The following OR3A2 variants were observed in gnomAD, a reference collection of about 807,000 sequenced individuals.
The protein encoded by OR3A2 is olfactory receptor 3A2.
For missense variants in OR3A2, 318 were observed against 392.8 expected, an observed-to-expected ratio of 0.81 and a Z score of 1.61; for synonymous variants, 126 against 159.3, an observed-to-expected ratio of 0.79 and a Z score of 1.57.
rs185057612 is a variant in OR3A2 at position 3,293,528 on chromosome 17, C to T, written c.-84-14375G>A. 1.3e-4 allele frequency among the ~76,000 whole-genome samples: 20 copies of T among 152,150 alleles called. No individual in the cohort carries two copies. The East Asian group carries it at 3.7e-3, about 28-fold the overall frequency. On this transcript the variant is annotated intron_variant, in intron 3 of 4. Transcript: ENST00000573491. ...AGCATCTTGTGAATATCTAGTTTGG[C>T]AAAAACTCATGTCATTTAAGGATTA...
At chr17:3,354,303 G>A (rs559018490) in intron 2 of OR3A2, among the ~76,000 whole-genome samples, 8 of 151,056 alleles carry the variant, frequency 5.3e-5, no homozygotes, top group South Asian at 2.1e-4. Context: ...AAGCCATTGC[G>A]TCCTGTGCTT....
chr17:3,353,079 T>C (rs1328737032), intron 2 of OR3A2, among the ~76,000 whole-genome samples: 1 of 151,484 alleles, frequency 6.6e-6, no homozygotes, highest in African/African-American at 2.4e-5. Flanking sequence ...TTTATGTTGA[T>C]GCTGTATCCT....
intron 3 of OR3A2, among the ~76,000 whole-genome samples, chr17:3,321,866 C>T (rs990393618): frequency 6.6e-6 from 1 of 152,092 alleles, no homozygotes; most frequent in Admixed American, 6.6e-5. Flanking sequence ...CTCTGCCAGC[C>T]TTTGGTATCA....
intron 1 of OR3A2, among the ~76,000 whole-genome samples, chr17:3,280,691 T>C (rs12051736): frequency 0.18 from 27,460 of 152,050 alleles, 3,091 homozygotes; most frequent in African/African-American, 0.3. Flanking sequence ...TAGAATAGAC[T>C]GGAATCAGAG....
chr17:3,302,005 A>T (rs1188663550), intron 3 of OR3A2, among the ~76,000 whole-genome samples: 1 of 152,180 alleles, frequency 6.6e-6, no homozygotes, highest in African/African-American at 2.4e-5. Context: ...TGCTTCAAAG[A>T]GAATAAAATA....
At position 3,332,245 on chromosome 17, in the gene OR3A2, C is replaced by G. The variant is rs903364632; in HGVS notation, c.-85+3788G>C. On this transcript the variant is annotated intron_variant, in intron 3 of 4. Coordinates refer to the OR3A2 transcript ENST00000573491. ...GAGCTGTGGTGGGCTCCACCCAGTTCGAGCTTCGCGGCTGCTTTGTTTACC... is the reference window on the plus strand; with the variant it reads ...GAGCTGTGGTGGGCTCCACCCAGTTGGAGCTTCGCGGCTGCTTTGTTTACC... Among the ~76,000 whole-genome samples, 195 of 152,338 alleles carry G rather than the reference C, an allele frequency of 1.3e-3. 4 individuals are homozygous for G. Among genetic ancestry groups the G allele is most frequent in the Admixed American group, 9.1e-4 (14 of 15,302 alleles).
chr17:3,352,388 T>A (rs1027591962), intron 2 of OR3A2, among the ~76,000 whole-genome samples: 1 of 151,974 alleles, frequency 6.6e-6, no homozygotes, highest in African/African-American at 2.4e-5. Flanking sequence ...TAGTTTGAGG[T>A]CTTCGATTTA....
At chr17:3,355,776 C>CT (rs983521944) in intron 2 of OR3A2, among the ~76,000 whole-genome samples, 3 of 151,348 alleles carry the variant, frequency 2.0e-5, no homozygotes, top group African/African-American at 7.3e-5. Flanking sequence ...CTCAGCCACT[C>CT]TGTCTTTTGG....
At chr17:3,277,227 C>T (rs560014776) in exon 2 of OR3A2, 4 of 150,828 alleles carry the variant, frequency 2.7e-5, no homozygotes, top group African/African-American at 9.7e-5. Context: ...TGCGCCCAGT[C>T]AACATCCAGC....
intron 3 of OR3A2, among the ~76,000 whole-genome samples, chr17:3,325,184 G>T (rs1283794785): frequency 6.9e-6 from 1 of 143,908 alleles, no homozygotes; most frequent in East Asian, 2.0e-4. Context: ...TCTACAGCTT[G>T]TGTTCAAAGA....
chr17:3,293,092 T>C lies in OR3A2; in HGVS notation c.-84-13939A>G, dbSNP rs1317941910. 4.2e-5 allele frequency among the ~76,000 whole-genome samples: 6 copies of C among 144,484 alleles called. No individual in the cohort carries two copies. The East Asian group carries it at 1.2e-3, about 30-fold the overall frequency. 94.8% of individuals were successfully genotyped at this position (144,484 alleles called of 152,430 possible). A position where few individuals can be genotyped will look rare whatever the true frequency, so the allele number is the denominator to read the frequency against. ...GAACAGTAAAGATCAAATAGGAGAG[T>C]GACAAGAAGCAGAGAGAGGAAATCC... is the stretch of plus-strand genomic sequence containing the variant. On this transcript the variant is annotated intron_variant, in intron 3 of 4. Transcript: ENST00000573491.
At chr17:3,374,733 A>T (rs1460034896) in intron 2 of OR3A2, among the ~76,000 whole-genome samples, 2 of 152,092 alleles carry the variant, frequency 1.3e-5, no homozygotes, top group Non-Finnish European at 2.9e-5. Flanking sequence ...TCCATAGGTT[A>T]TTTGGGAACA....
At chr17:3,293,411 C>T (rs1319443410) in intron 3 of OR3A2, among the ~76,000 whole-genome samples, 1 of 152,152 alleles carries the variant, frequency 6.6e-6, no homozygotes, top group South Asian at 2.1e-4. Flanking sequence ...ATTCATTACA[C>T]ACAAATAAAA....
intron 3 of OR3A2, among the ~76,000 whole-genome samples, chr17:3,301,157 T>C (rs1228467928): frequency 6.6e-6 from 1 of 152,200 alleles, no homozygotes; most frequent in Non-Finnish European, 1.5e-5. Context: ...AACATACGTG[T>C]GCATGTGTCT....
upstream of OR3A2, among the ~76,000 whole-genome samples, chr17:3,286,879 C>T (rs1316403896): frequency 2.6e-5 from 4 of 152,222 alleles, no homozygotes; most frequent in East Asian, 5.8e-4. Flanking sequence ...TGCCTGTTCA[C>T]TCTGATGGTA....
At chr17:3,319,047 T>G (rs2049098637) in intron 3 of OR3A2, among the ~76,000 whole-genome samples, 1 of 152,232 alleles carries the variant, frequency 6.6e-6, no homozygotes, top group Non-Finnish European at 1.5e-5. Flanking sequence ...TGCTTTTACC[T>G]GCTACATACA....
At chr17:3,317,544 C>T (rs1803206139) in intron 3 of OR3A2, among the ~76,000 whole-genome samples, 1 of 152,122 alleles carries the variant, frequency 6.6e-6, no homozygotes, top group Admixed American at 6.6e-5. Context: ...GGGCTCTGGG[C>T]TAACACTGCT....
At chr17:3,376,938 G>C (rs974602220) in intron 2 of OR3A2, among the ~76,000 whole-genome samples, 1 of 152,036 alleles carries the variant, frequency 6.6e-6, no homozygotes, top group Non-Finnish European at 1.5e-5. Flanking sequence ...TATTTTGCTC[G>C]GTTCCTTAAA....
At chr17:3,315,706 C>G (rs1227781004) in intron 3 of OR3A2, among the ~76,000 whole-genome samples, 1 of 146,132 alleles carries the variant, frequency 6.8e-6, no homozygotes, top group African/African-American at 2.5e-5. Context: ...TTGTCAATAA[C>G]TAACTAAATA....
Sources: gnomAD v4.1 joint callset for allele counts (sites outside exome capture counted in the v4.1 genomes callset) on GRCh38, gnomAD v4.1.1 for gene constraint, MANE v1.5 for transcripts, NCBI Gene and HGNC (gene_info 2026-07-23, HGNC 2026-07-21) for gene names.